The following BRINP1 variants were observed in gnomAD, a reference collection of about 807,000 sequenced individuals.
BRINP1 encodes the protein BMP/retinoic acid-inducible neural-specific protein 1.
BRINP1 carries 17 observed loss-of-function variants against 72.9 expected under a neutral mutation model. That is an observed-to-expected ratio of 0.23 (90% CI 0.16 to 0.35). BRINP1 has a LOEUF of 0.35. Among genes scored for constraint, BRINP1 ranks in the 10% least tolerant of loss-of-function variants. The pLI is 1.00. For synonymous variants in BRINP1, 418 were observed against 378.5 expected, an observed-to-expected ratio of 1.10 and a Z score of -1.21; for missense variants, 850 against 1,001.6, an observed-to-expected ratio of 0.85 and a Z score of 2.04.
rs1162995653 is a variant in BRINP1 at position 119,279,232 on chromosome 9, C to T, written c.219-30082G>A. Among the ~76,000 whole-genome samples, 6 of 152,342 alleles carry T rather than the reference C, an allele frequency of 3.9e-5. No homozygotes were observed. The East Asian group carries it at 1.2e-3, about 29-fold the overall frequency. On this transcript the variant is annotated intron_variant, in intron 2 of 7. Coordinates refer to ENST00000265922, the MANE Select transcript of BRINP1 (RefSeq NM_014618.3). ...GAGTAATTTAATATTTGAAAACAAA[C>T]ATCACCTAATGGATGTATTAACTGA... is the stretch of plus-strand genomic sequence containing the variant.
chr9:119,180,243 G>A (rs536589421), intron 7 of BRINP1, among the ~76,000 whole-genome samples: 1 of 152,278 alleles, frequency 6.6e-6, no homozygotes, highest in South Asian at 2.1e-4. Context: ...GTATTTAAAA[G>A]TACAGAGGAA....
intron 2 of BRINP1, among the ~76,000 whole-genome samples, chr9:119,300,242 A>T (rs938795099): frequency 1.3e-5 from 2 of 152,200 alleles, no homozygotes. Flanking sequence ...CATCAAAAAT[A>T]ACCCTGTTCT....
chr9:119,283,062 A>C, intron 2 of BRINP1: 1 of 985,454 alleles, frequency 1.0e-6, no homozygotes, highest in Non-Finnish European at 1.2e-6. Flanking sequence ...ATACAGAGTT[A>C]CGGAGAGGTA....
In BRINP1 at chr9:119,167,079, C is replaced by T. The variant is rs77427827; in HGVS notation, c.*5G>A. 1,544 of 1,586,928 alleles carry T rather than the reference C, an allele frequency of 9.7e-4. 34 individuals are homozygous for T. In the East Asian group the frequency reaches 0.031, roughly 32 times the overall value. ...CAGGAAAAGTCCATGGCAAGGAGTC[C>T]CGGGTTAGCAGAGTTTGGCTGTCAT... On this transcript the variant is annotated 3_prime_UTR_variant, in exon 8 of 8. Transcript: ENST00000265922. This position sits in a 1 kb window ranked among gnomAD's most constrained non-coding sequence, Gnocchi z 4.3.
intron 1 of BRINP1, among the ~76,000 whole-genome samples, chr9:119,367,412 G>A (rs1050902842): frequency 2.6e-5 from 4 of 151,630 alleles, no homozygotes; most frequent in Non-Finnish European, 5.9e-5. Context: ...AACGGCTGCC[G>A]CTTACCTTGA....
chr9:119,291,004 T>C (rs779573468), intron 2 of BRINP1, among the ~76,000 whole-genome samples: 1 of 151,214 alleles, frequency 6.6e-6, no homozygotes, highest in Non-Finnish European at 1.5e-5. Context: ...GCACCTGTAA[T>C]CCCAGCTACT....
At chr9:119,261,970 C>T (rs1382074579) in intron 2 of BRINP1, among the ~76,000 whole-genome samples, 2 of 151,908 alleles carry the variant, frequency 1.3e-5, no homozygotes, top group South Asian at 2.1e-4. Context: ...AATAATATCT[C>T]TTTTACAATA....
At chr9:119,261,802 C>T (rs952314037) in intron 2 of BRINP1, among the ~76,000 whole-genome samples, 2 of 150,494 alleles carry the variant, frequency 1.3e-5, no homozygotes, top group African/African-American at 2.4e-5. Flanking sequence ...CCCTCCCTTC[C>T]TTTCCTTTCT....
At chr9:119,323,446 A>G (rs2119005683) in intron 1 of BRINP1, among the ~76,000 whole-genome samples, 1 of 152,270 alleles carries the variant, frequency 6.6e-6, no homozygotes, top group South Asian at 2.1e-4. Flanking sequence ...GGTTGCTTTC[A>G]ATCCTGACCC....
intron 1 of BRINP1, among the ~76,000 whole-genome samples, chr9:119,341,868 A>G (rs2119024306): frequency 6.6e-6 from 1 of 152,178 alleles, no homozygotes; most frequent in South Asian, 2.1e-4. Flanking sequence ...GGTTCAAGCG[A>G]TTCTACTGAC....
chr9:119,199,661 C>T (rs1396090653), intron 7 of BRINP1, among the ~76,000 whole-genome samples: 2 of 152,074 alleles, frequency 1.3e-5, no homozygotes, highest in Admixed American at 1.3e-4. Context: ...CTTCACAATA[C>T]TCTAATCTTT....
intron 4 of BRINP1, among the ~76,000 whole-genome samples, chr9:119,239,021 A>T (rs1011214044): frequency 6.6e-6 from 1 of 152,236 alleles, no homozygotes; most frequent in South Asian, 2.1e-4. Flanking sequence ...CTGCAAGTAG[A>T]CATGAACTTA....
intron 2 of BRINP1, among the ~76,000 whole-genome samples, chr9:119,297,838 A>G (rs1588195995): frequency 6.6e-6 from 1 of 152,074 alleles, no homozygotes; most frequent in Admixed American, 6.5e-5. Flanking sequence ...TAATAATAAA[A>G]TAATAACAAA....
chr9:119,221,806 C>T (rs1048324512), intron 5 of BRINP1, among the ~76,000 whole-genome samples: 3 of 152,100 alleles, frequency 2.0e-5, no homozygotes, highest in Non-Finnish European at 2.9e-5. Flanking sequence ...AGCAATCAGA[C>T]GTTTCAAAGG....
intron 5 of BRINP1, among the ~76,000 whole-genome samples, chr9:119,220,627 A>G (rs7869075): frequency 0.1 from 15,400 of 152,218 alleles, 959 homozygotes; most frequent in African/African-American, 0.17. Context: ...CAAAAAAAAA[A>G]TTCAAGAACG....
At chr9:119,270,991 T>C (rs1008687581) in intron 2 of BRINP1, among the ~76,000 whole-genome samples, 1 of 151,868 alleles carries the variant, frequency 6.6e-6, no homozygotes, top group Non-Finnish European at 1.5e-5. Context: ...TTATAAGAAA[T>C]AAATTATATT....
At chr9:119,263,223 A>G (rs977377437) in intron 2 of BRINP1, among the ~76,000 whole-genome samples, 2 of 152,218 alleles carry the variant, frequency 1.3e-5, no homozygotes, top group African/African-American at 2.4e-5. Context: ...ACGAGAGATT[A>G]GTCAAAACTT....
At chr9:119,272,091 C>CA (rs59092561) in intron 2 of BRINP1, among the ~76,000 whole-genome samples, 2,132 of 119,448 alleles carry the variant, frequency 0.018, 41 homozygotes, top group Middle Eastern at 0.05. Context: ...TTTTTTGAGA[C>CA]AAAAAAAAAA....
intron 2 of BRINP1, among the ~76,000 whole-genome samples, chr9:119,263,274 C>G (rs1187979398): frequency 6.6e-6 from 1 of 152,116 alleles, no homozygotes; most frequent in African/African-American, 2.4e-5. Flanking sequence ...TAACAAGCTC[C>G]CAGGTGACTC....
Sources: gnomAD v4.1 joint callset for allele counts (sites outside exome capture counted in the v4.1 genomes callset) on GRCh38, gnomAD v4.1.1 for gene constraint, Gnocchi (gnomAD v3.1) non-coding constraint, MANE v1.5 for transcripts, NCBI Gene and HGNC (gene_info 2026-07-23, HGNC 2026-07-21) for gene names.